The following CHRNA7 variants were observed in gnomAD, a reference collection of about 807,000 sequenced individuals.
CHRNA7 encodes the protein cholinergic receptor nicotinic alpha 7 subunit, also known as neuronal acetylcholine receptor subunit alpha-7.
In CHRNA7, 17 loss-of-function variants were observed where a neutral mutation model predicts 48.0. That is an observed-to-expected ratio of 0.35 (90% CI 0.24 to 0.53). The LOEUF (loss-of-function observed/expected upper bound fraction) is 0.53. Among genes scored for constraint, CHRNA7 ranks in the 20% least tolerant of loss-of-function variants. The pLI, the probability that CHRNA7 is intolerant of heterozygous loss-of-function variation, is 0.92. For synonymous variants in CHRNA7, 75 were observed against 242.3 expected, an observed-to-expected ratio of 0.31 and a Z score of 6.41; for missense variants, 155 against 577.7, an observed-to-expected ratio of 0.27 and a Z score of 7.50.
intron 4 of CHRNA7, among the ~76,000 whole-genome samples, chr15:32,124,778 G>A (rs1052915332): frequency 2.0e-5 from 3 of 152,146 alleles, no homozygotes; most frequent in East Asian, 3.9e-4. Context: ...CCTCTAGGAG[G>A]GGATTGGGTC....
chr15:32,054,461 T>C (rs2049749598), intron 2 of CHRNA7, among the ~76,000 whole-genome samples: 1 of 152,186 alleles, frequency 6.6e-6, no homozygotes, highest in Non-Finnish European at 1.5e-5. Context: ...TCTAAAACTT[T>C]AAATTGTAGT....
chr15:32,090,658 ATT>A (rs5811678), intron 2 of CHRNA7, among the ~76,000 whole-genome samples: 11,745 of 150,356 alleles, frequency 0.078, 546 homozygotes, highest in Non-Finnish European at 0.11. Context: ...CATTTCATTC[ATT>A]TTTTTTTTTC....
At chr15:32,046,090 C>T (rs1340641811) in intron 2 of CHRNA7, among the ~76,000 whole-genome samples, 1 of 151,868 alleles carries the variant, frequency 6.6e-6, no homozygotes, top group African/African-American at 2.4e-5. Flanking sequence ...TGGCTTGGTT[C>T]CAAGTCTTTG....
intron 2 of CHRNA7, among the ~76,000 whole-genome samples, chr15:32,058,173 G>C (rs1418979998): frequency 6.6e-6 from 1 of 152,192 alleles, no homozygotes; most frequent in East Asian, 1.9e-4. Context: ...TGTGGCTGCA[G>C]GGTGCACCTC....
chr15:32,127,158 G>A (rs1197116495), intron 4 of CHRNA7, among the ~76,000 whole-genome samples: 3 of 152,110 alleles, frequency 2.0e-5, no homozygotes, highest in African/African-American at 7.2e-5. Context: ...CCTTTTGAGG[G>A]TGGCTGAGTA....
chr15:32,062,365 A>G (rs1481927995), intron 2 of CHRNA7, among the ~76,000 whole-genome samples: 1 of 152,188 alleles, frequency 6.6e-6, no homozygotes, highest in East Asian at 1.9e-4. Flanking sequence ...CTCATGATTC[A>G]CAGCTGAGAG....
chr15:32,030,516 C>A lies in CHRNA7; in HGVS notation c.-79C>A. ...GGCGCGCGAGCCGAGCGGCGAGGTGCCTCTGTGGCCGCAGGCGCAGGCCCG... is the reference window on the plus strand; with the variant it reads ...GGCGCGCGAGCCGAGCGGCGAGGTGACTCTGTGGCCGCAGGCGCAGGCCCG... On this transcript the variant is annotated 5_prime_UTR_variant, in exon 1 of 10. Coordinates refer to ENST00000306901, the MANE Select transcript of CHRNA7 (RefSeq NM_000746.6). 6.1e-6 allele frequency: 8 copies of A among 1,310,922 alleles called. No homozygotes were observed. The highest frequency in any genetic ancestry group is 7.8e-6 in the Non-Finnish European group (8 of 1,029,806). The allele number at this position is 1,310,922 out of a possible 1,614,324, so 81.2% of individuals were successfully genotyped here.
chr15:32,141,039 G>T (rs1311852051), intron 4 of CHRNA7, among the ~76,000 whole-genome samples: 2 of 152,132 alleles, frequency 1.3e-5, no homozygotes, highest in Non-Finnish European at 2.9e-5. Context: ...TTCTTCTAGG[G>T]TTTTTATGGT....
intron 4 of CHRNA7, among the ~76,000 whole-genome samples, chr15:32,150,449 G>A (rs1566876890): frequency 6.6e-6 from 1 of 152,174 alleles, no homozygotes; most frequent in Non-Finnish European, 1.5e-5. Flanking sequence ...CATGTAATTG[G>A]AGGGACAGAC....
At chr15:32,052,871 A>G (rs1353254241) in intron 2 of CHRNA7, among the ~76,000 whole-genome samples, 3 of 152,234 alleles carry the variant, frequency 2.0e-5, no homozygotes, top group Admixed American at 6.5e-5. Flanking sequence ...TAACTAGAAG[A>G]GCAGACTTGT....
At chr15:32,051,343 C>G (rs955021814) in intron 2 of CHRNA7, among the ~76,000 whole-genome samples, 1 of 152,186 alleles carries the variant, frequency 6.6e-6, no homozygotes, top group Non-Finnish European at 1.5e-5. Context: ...CTAAGCGAGC[C>G]TAGGCAATGG....
intron 4 of CHRNA7, among the ~76,000 whole-genome samples, chr15:32,129,086 T>G (rs1451608971): frequency 2.0e-5 from 3 of 152,000 alleles, no homozygotes; most frequent in African/African-American, 7.2e-5. Flanking sequence ...TGAACTAGCT[T>G]TACACTCATG....
Position 32,033,783 on chromosome 15 carries a change from C to T in CHRNA7, c.195+2746C>T, listed in dbSNP as rs138299050. 5.1e-3 allele frequency among the ~76,000 whole-genome samples: 784 copies of T among 152,260 alleles called. 6 individuals carry two copies. Among genetic ancestry groups the T allele is most frequent in the Middle Eastern group, 0.027 (8 of 294 alleles). On this transcript the variant is annotated intron_variant, in intron 2 of 9. Coordinates refer to ENST00000306901, the MANE Select transcript of CHRNA7 (RefSeq NM_000746.6). ...AGATTCTCTTTACACATTTGTTGCC[C>T]ATTTTAACTGGACTGTTCTAGAGAC... is the stretch of plus-strand genomic sequence containing the variant.
intron 3 of CHRNA7, among the ~76,000 whole-genome samples, chr15:32,104,155 T>G (rs1001214766): frequency 6.6e-6 from 1 of 152,102 alleles, no homozygotes; most frequent in African/African-American, 2.4e-5. Flanking sequence ...GAAGTGGCCT[T>G]GGATTCAATT....
rs570213271 is a variant in CHRNA7 at position 32,149,510 on chromosome 15, T to C, written c.351-4397T>C. 2.3e-4 allele frequency among the ~76,000 whole-genome samples: 35 copies of C among 152,238 alleles called. No homozygotes were observed. The highest frequency in any genetic ancestry group is 4.1e-4 in the Non-Finnish European group (28 of 68,038). ...AACAGGGCCTTTCTTCAAACTCATCTTATCTCCACCCCTAATGCTCAAAAC... is the reference window on the plus strand; with the variant it reads ...AACAGGGCCTTTCTTCAAACTCATCCTATCTCCACCCCTAATGCTCAAAAC... On this transcript the variant is annotated intron_variant, in intron 4 of 9. Coordinates refer to ENST00000306901, the MANE Select transcript of CHRNA7 (RefSeq NM_000746.6). This position sits in a 1 kb window ranked among gnomAD's most constrained non-coding sequence, Gnocchi z 4.6.
At chr15:32,084,060 G>C (rs1389260334) in intron 2 of CHRNA7, among the ~76,000 whole-genome samples, 1 of 152,150 alleles carries the variant, frequency 6.6e-6, no homozygotes, top group Non-Finnish European at 1.5e-5. Flanking sequence ...TGATTAATTA[G>C]AATGAACTGC....
chr15:32,131,315 A>G (rs2051152687), intron 4 of CHRNA7, among the ~76,000 whole-genome samples: 1 of 152,054 alleles, frequency 6.6e-6, no homozygotes, highest in Non-Finnish European at 1.5e-5. Flanking sequence ...TGACACAAAT[A>G]TCAGATTTTG....
At chr15:32,111,191 G>A (rs1445690579) in intron 3 of CHRNA7, 4 of 152,290 alleles carry the variant, frequency 2.6e-5, no homozygotes, top group African/African-American at 9.7e-5. Flanking sequence ...AGTGCTTCCT[G>A]AGTCTTCACC....
chr15:32,139,310 G>A (rs1452029253), intron 4 of CHRNA7, among the ~76,000 whole-genome samples: 4 of 152,174 alleles, frequency 2.6e-5, no homozygotes, highest in Non-Finnish European at 5.9e-5. Context: ...TATGAATAAA[G>A]CTGCTATCAA....
Sources: gnomAD v4.1 joint callset for allele counts (sites outside exome capture counted in the v4.1 genomes callset) on GRCh38, gnomAD v4.1.1 for gene constraint, Gnocchi (gnomAD v3.1) non-coding constraint, MANE v1.5 for transcripts, NCBI Gene and HGNC (gene_info 2026-07-23, HGNC 2026-07-21) for gene names.